Variants in TENM2 observed in about 807,000 individuals in gnomAD.
TENM2 encodes the protein teneurin transmembrane protein 2.
In TENM2, 52 loss-of-function variants were observed where a neutral mutation model predicts 245.2. The ratio of observed to expected loss-of-function variants is 0.21; its 90% CI spans 0.17 to 0.27. TENM2 has a LOEUF of 0.27. TENM2 is among the 10% of genes least tolerant of loss of function. TENM2 has a pLI of 1.00. For synonymous variants in TENM2, 1,363 were observed against 1,438.9 expected (o/e 0.95, Z 1.19); for missense variants, 3,046 against 3,666.8 (o/e 0.83, Z 4.37).
chr5:167,210,164 T>C, the TENM2 span, among the ~76,000 whole-genome samples: 2 of 152,182 alleles, frequency 1.3e-5, no homozygotes, highest in African/African-American at 2.4e-5. Context: ...TTTCACACAT[T>C]AGGAAACCAA....
intron 23 of TENM2, 73 bp downstream of exon 25, chr5:168,219,072 T>A (rs1763447935): frequency 6.9e-7 from 1 of 1,448,970 alleles, no homozygotes; most frequent in Non-Finnish European, 9.3e-7. Flanking sequence ...GGGTCGCTTG[T>A]GTAGCTTTTT....
chr5:167,587,227 G>C (rs934333166), intron 2 of TENM2, among the ~76,000 whole-genome samples: 5 of 152,056 alleles, frequency 3.3e-5, no homozygotes, highest in African/African-American at 1.2e-4. Flanking sequence ...TATCTTTAAG[G>C]CCCAATATAT....
intron 6 of TENM2, among the ~76,000 whole-genome samples, chr5:168,059,593 C>T (rs1789856153): frequency 6.6e-6 from 1 of 152,116 alleles, no homozygotes; most frequent in Non-Finnish European, 1.5e-5. Context: ...CCCTTCCTTA[C>T]TCCTTTTTAT....
chr5:168,094,667 T>G (rs905467486), intron 8 of TENM2, among the ~76,000 whole-genome samples: 2 of 151,460 alleles, frequency 1.3e-5, no homozygotes, highest in Non-Finnish European at 2.9e-5. Flanking sequence ...TGATCCCATC[T>G]GGGGGTCATG....
At chr5:167,298,677 C>CT (rs1306851891) in intron 1 of TENM2, among the ~76,000 whole-genome samples, 1 of 152,150 alleles carries the variant, frequency 6.6e-6, no homozygotes. Flanking sequence ...TATTAAAGGT[C>CT]TAAGAATTGG....
chr5:167,353,496 TGTTG>T (rs1759075609), intron 1 of TENM2, among the ~76,000 whole-genome samples: 1 of 93,360 alleles, frequency 1.1e-5, no homozygotes, highest in African/African-American at 4.8e-5. Context: ...TTGTTGTTGT[TGTTG>T]TTTTTTTTTT....
chr5:167,357,188 G>A (rs1470415287), intron 1 of TENM2, among the ~76,000 whole-genome samples: 1 of 152,116 alleles, frequency 6.6e-6, no homozygotes, highest in African/African-American at 2.4e-5. Flanking sequence ...ATTGATTACT[G>A]TGGATTCAGA....
the TENM2 span, among the ~76,000 whole-genome samples, chr5:167,139,014 T>C: frequency 2.0e-5 from 3 of 152,232 alleles, no homozygotes; most frequent in Admixed American, 1.3e-4. Flanking sequence ...TGTTAATTTA[T>C]ATACCCATGT....
At chr5:167,913,245 T>C (rs763558474) in intron 3 of TENM2, among the ~76,000 whole-genome samples, 58 of 152,198 alleles carry the variant, frequency 3.8e-4, no homozygotes, top group Non-Finnish European at 7.3e-4. Context: ...ATGGGCTGAC[T>C]TCATCCTCTT....
intron 2 of TENM2, among the ~76,000 whole-genome samples, chr5:167,583,707 G>C (rs1471527052): frequency 6.6e-6 from 1 of 152,114 alleles, no homozygotes; most frequent in Non-Finnish European, 1.5e-5. Context: ...TGTGTTTCCT[G>C]TCCTCAAGGG....
chr5:168,161,675 C>T (rs537753780), intron 12 of TENM2, among the ~76,000 whole-genome samples: 1 of 152,226 alleles, frequency 6.6e-6, no homozygotes, highest in South Asian at 2.1e-4. Flanking sequence ...CTTTAGTGTA[C>T]CTCCTTTCTC....
intron 2 of TENM2, among the ~76,000 whole-genome samples, chr5:167,406,296 T>G (rs1762634573): frequency 6.6e-6 from 1 of 152,210 alleles, no homozygotes; most frequent in South Asian, 2.1e-4. Flanking sequence ...GCTGCTTCTT[T>G]ACAGCCTGAC....
At chr5:167,880,350 A>T (rs60677216) in intron 3 of TENM2, among the ~76,000 whole-genome samples, 4,128 of 152,128 alleles carry the variant, frequency 0.027, 134 homozygotes, top group African/African-American at 0.08. Context: ...GTTAAAAAAA[A>T]TTTTTTTCAG....
At chr5:167,939,200 A>AG (rs1245827346) in intron 3 of TENM2, among the ~76,000 whole-genome samples, 2 of 152,158 alleles carry the variant, frequency 1.3e-5, no homozygotes, top group African/African-American at 4.8e-5. Context: ...TCTACGGAAG[A>AG]GGGGGATGGT....
the TENM2 span, among the ~76,000 whole-genome samples, chr5:167,110,323 C>T: frequency 6.6e-6 from 1 of 152,164 alleles, no homozygotes; most frequent in Admixed American, 6.5e-5. Flanking sequence ...GGGCTGGAGA[C>T]ATGCTCCTCT....
At chr5:167,911,449 C>G (rs185938968) in intron 3 of TENM2, among the ~76,000 whole-genome samples, 1 of 152,206 alleles carries the variant, frequency 6.6e-6, no homozygotes, top group African/African-American at 2.4e-5. Flanking sequence ...ATGGCGTGAA[C>G]CTGGGAGGCG....
At chr5:167,700,942 T>C (rs1244598483) in intron 2 of TENM2, among the ~76,000 whole-genome samples, 1 of 135,886 alleles carries the variant, frequency 7.4e-6, no homozygotes, top group African/African-American at 2.9e-5. Context: ...ACAGTTGTTA[T>C]ATTTCTTAAA....
Position 167,510,359 on chromosome 5 carries a change from A to G in TENM2, c.502+134886A>G, listed in dbSNP as rs150491918. Reference sequence around the variant, plus strand: ...TAATGTCTGTGACCATTTTGGTGGCATTTTGTGATGCTACTAGTGAATTTC... The same window carrying G: ...TAATGTCTGTGACCATTTTGGTGGCGTTTTGTGATGCTACTAGTGAATTTC... On this transcript the variant is annotated intron_variant, in intron 2 of 28. Coordinates refer to ENST00000518659, the Ensembl canonical transcript of TENM2. Among the ~76,000 whole-genome samples, 24 of 152,264 alleles carry G rather than the reference A, an allele frequency of 1.6e-4. No homozygotes were observed. The East Asian group carries it at 4.6e-3, about 29-fold the overall frequency.
intron 2 of TENM2, among the ~76,000 whole-genome samples, chr5:167,840,822 TATA>T (rs1252960194): frequency 6.6e-6 from 1 of 152,178 alleles, no homozygotes; most frequent in African/African-American, 2.4e-5. Context: ...ATGTGTGGTC[TATA>T]ATAATATGTC....
Sources: allele counts gnomAD v4.1 joint callset (sites outside exome capture counted in the v4.1 genomes callset), GRCh38; gene constraint gnomAD v4.1.1; transcripts MANE v1.5; gene names NCBI Gene and HGNC (gene_info 2026-07-23, HGNC 2026-07-21).